RSPH3: variants seen among roughly 807,000 people sequenced by gnomAD.
RSPH3 encodes radial spoke head 3.
In RSPH3, 21 loss-of-function variants were observed where a neutral mutation model predicts 43.8. The ratio of observed to expected loss-of-function variants is 0.48; its 90% confidence interval spans 0.34 to 0.69. The LOEUF is 0.69. Ranked by LOEUF, RSPH3 falls within the 30% of genes least tolerant of loss-of-function variation. The probability of loss-of-function intolerance (pLI) is 0.01; values close to 1 mark genes in which losing one functional copy is unlikely to be tolerated. For synonymous variants in RSPH3, 173 were observed against 179.8 expected (o/e 0.96, Z 0.30); for missense variants, 487 against 516.0 (o/e 0.94, Z 0.54).
rs781740377 is a variant in RSPH3, at chr6:158,993,840, A to T, written c.203T>A (p.Leu68Gln). 5.7e-6 allele frequency: 9 copies of T among 1,576,628 alleles called. No individual in the cohort carries two copies. The Admixed American group carries it at 1.2e-4, about 21-fold the overall frequency. ...GNTYALQTGPLLGRPDSLELQ... is the reference protein window; with the variant it reads ...GNTYALQTGPQLGRPDSLELQ... Reference sequence around the variant, plus strand: ...TTAGACTATTCAAACTGAACTTACCAGTGGCCCTGTCTGGAGTGCATAAGT... The same window carrying T: ...TTAGACTATTCAAACTGAACTTACCTGTGGCCCTGTCTGGAGTGCATAAGT... Residue 68 changes from leucine to glutamine, a missense_variant and splice_region_variant, in exon 2 of 8, where the codon CTG (leucine) becomes CAG (glutamine). By Grantham distance (113) the Leu-to-Gln change is moderately radical. Transcript: ENST00000367069.
rs149982730 is a variant in RSPH3, at chr6:158,983,097, T to C, written c.493-409A>G. ...ATAACTTTCAGGTAGCTTCTGAAGA[T>C]TTATTTTATTTCCCAATTTCAATGA... On this transcript the variant is annotated intron_variant, in intron 4 of 7. Coordinates refer to ENST00000367069, the MANE Select transcript of RSPH3 (RefSeq NM_031924.8). Among the ~76,000 whole-genome samples the C allele has an allele frequency of 3.2e-3, 494 of 152,330 alleles. 2 individuals are homozygous for C. The highest frequency in any genetic ancestry group is 0.011 in the African/African-American group (463 of 41,576).
At chr6:158,971,853 A>G (rs574225668), downstream of RSPH3, among the ~76,000 whole-genome samples, 2 of 152,294 alleles carry the variant, frequency 1.3e-5, no homozygotes, top group South Asian at 4.1e-4. Flanking sequence ...TTACACCTAT[A>G]GTTGTCTACC....
Position 158,980,473 on chromosome 6 carries a change from G to A in RSPH3, c.859+301C>T, listed in dbSNP as rs74747700. The stretch of plus-strand genomic sequence containing the variant: ...CCTCATTTCTCACATGAAGAAACTG[G>A]AGGTCATCAAGCTAGCTAATGATAA... On this transcript the variant is annotated intron_variant, in intron 6 of 7. Coordinates refer to ENST00000367069, the MANE Select transcript of RSPH3 (RefSeq NM_031924.8). Among the ~76,000 whole-genome samples the A allele has an allele frequency of 0.045, 6,773 of 151,912 alleles. 492 individuals are homozygous for A. The highest frequency in any genetic ancestry group is 0.15 in the African/African-American group (6,400 of 41,422).
Position 158,999,951 on chromosome 6 carries a change from G to T in RSPH3, c.-401C>A, listed in dbSNP as rs1230072775. 6.2e-7 allele frequency: 1 copy of T among 1,604,862 alleles called. No individual in the cohort carries two copies. The highest frequency in any genetic ancestry group is 1.3e-5 in the African/African-American group (1 of 74,860). On this transcript the variant is annotated 5_prime_UTR_variant, in exon 1 of 8. Coordinates refer to ENST00000367069, the MANE Select transcript of RSPH3 (RefSeq NM_031924.8). ...CTTTGCGAGGTTCCTGGCTAGGGAG[G>T]CGGCCTTGGCTGGCTTGACCGTCAT...
chr6:158,967,888 C>A (rs1168344732), downstream of RSPH3, among the ~76,000 whole-genome samples: 2 of 152,138 alleles, frequency 1.3e-5, no homozygotes, highest in African/African-American at 4.8e-5. Context: ...AATGTAGCTA[C>A]CCCAGCTCTT....
chr6:158,979,875 C>A (rs894301537), intron 6 of RSPH3, among the ~76,000 whole-genome samples: 1 of 152,102 alleles, frequency 6.6e-6, no homozygotes, highest in African/African-American at 2.4e-5. Context: ...GGAACGTGGA[C>A]TTTGAGGGGA....
the RSPH3 span, among the ~76,000 whole-genome samples, chr6:158,964,298 GAT>G: frequency 6.6e-6 from 1 of 152,134 alleles, no homozygotes; most frequent in Non-Finnish European, 1.5e-5. Flanking sequence ...GCCATGGATT[GAT>G]AGTTTTTGTG....
At chr6:158,978,438 T>C in intron 6 of RSPH3, 92 bp from the exon 7 acceptor site, 4 of 669,938 alleles carry the variant, frequency 6.0e-6, no homozygotes, top group Non-Finnish European at 1.0e-5. Flanking sequence ...ATTGGTTTCT[T>C]AATATAAAAT....
intron 5 of RSPH3, among the ~76,000 whole-genome samples, chr6:158,981,501 T>G (rs1426383339): frequency 6.6e-6 from 1 of 152,198 alleles, no homozygotes; most frequent in Non-Finnish European, 1.5e-5. Flanking sequence ...TAAACAAATA[T>G]AAATCTAGGT....
At chr6:158,996,655 G>C (rs898089621) in intron 1 of RSPH3, among the ~76,000 whole-genome samples, 6 of 152,146 alleles carry the variant, frequency 3.9e-5, no homozygotes, top group African/African-American at 1.4e-4. Flanking sequence ...TGTGTCATCT[G>C]AAAAACTGAA....
chr6:158,982,384 A>C, intron 5 of RSPH3, 101 bp downstream of exon 5: 1 of 709,322 alleles, frequency 1.4e-6, no homozygotes, highest in Non-Finnish European at 2.2e-6. Context: ...ATATATTCCC[A>C]AAGATCTTTA....
At chr6:158,982,812 G>A in intron 4 of RSPH3, 124 bp from the exon 5 acceptor site, 1 of 634,744 alleles carries the variant, frequency 1.6e-6, no homozygotes, top group Non-Finnish European at 2.7e-6. Flanking sequence ...CAGACACTGT[G>A]CTGGTGCTTT....
chr6:158,973,027 TCTGA>T lies in RSPH3; in HGVS notation c.*4507_*4510del, dbSNP rs1209485363. The T allele has an allele frequency of 5.9e-5, 9 of 152,354 alleles. No homozygotes were observed. The highest frequency in any genetic ancestry group is 2.2e-4 in the African/African-American group (9 of 41,598). 9.4% of individuals were successfully genotyped at this position (152,354 alleles called of 1,614,324 possible). A position where few individuals can be genotyped will look rare whatever the true frequency, so the allele number is the denominator to read the frequency against. ...CACTTATAACACTCTTTTTTGGGTC[TCTGA>T]CTGTGAACAAGATTGTGGAAGGTTG... is the stretch of plus-strand genomic sequence containing the variant. On this transcript the variant is annotated 3_prime_UTR_variant, in exon 8 of 8. Transcript: ENST00000367069.
chr6:158,972,670 A>G (rs907045058), downstream of RSPH3, among the ~76,000 whole-genome samples: 3 of 152,270 alleles, frequency 2.0e-5, no homozygotes, highest in South Asian at 2.1e-4. Flanking sequence ...ATATAGTGAT[A>G]AAAATTCATT....
chr6:158,983,116 T>G (rs1334117656), intron 4 of RSPH3, among the ~76,000 whole-genome samples: 1 of 152,208 alleles, frequency 6.6e-6, no homozygotes, highest in Non-Finnish European at 1.5e-5. Flanking sequence ...TTTCCCAATT[T>G]CAATGACAGT....
chr6:158,963,948 A>G, the RSPH3 span, among the ~76,000 whole-genome samples: 1 of 152,218 alleles, frequency 6.6e-6, no homozygotes, highest in East Asian at 1.9e-4. Context: ...TTTAACAGCC[A>G]TAGATCCCAA....
At chr6:158,992,713 C>T (rs1778457409) in intron 2 of RSPH3, among the ~76,000 whole-genome samples, 1 of 152,158 alleles carries the variant, frequency 6.6e-6, no homozygotes, top group Non-Finnish European at 1.5e-5. Flanking sequence ...AGTGGAGGAG[C>T]ATCTCTATCA....
chr6:158,981,109 GGC>G (rs1264495520), intron 5 of RSPH3, among the ~76,000 whole-genome samples, 173 bp from the exon 6 acceptor site: 3 of 151,920 alleles, frequency 2.0e-5, no homozygotes, highest in Admixed American at 6.6e-5. Flanking sequence ...AACAGCTAGT[GGC>G]TACTGAATTC....
rs1386870736 is a variant in RSPH3 at position 158,973,717 on chromosome 6, GC to G, written c.*3820del. ...AGTGACTTTGCAGGCCACGCTCATAGCCCTCAGATGGCTTAAATGTAATGAT... is the reference window on the plus strand; with the variant it reads ...AGTGACTTTGCAGGCCACGCTCATAGCCTCAGATGGCTTAAATGTAATGAT... On this transcript the variant is annotated 3_prime_UTR_variant, in exon 8 of 8. Coordinates refer to ENST00000367069, the MANE Select transcript of RSPH3 (RefSeq NM_031924.8). 1.3e-5 allele frequency: 2 copies of G among 152,098 alleles called. No individual in the cohort carries two copies. Among genetic ancestry groups the G allele is most frequent in the African/African-American group, 4.8e-5 (2 of 41,404 alleles). 9.4% of individuals were successfully genotyped at this position (152,098 alleles called of 1,614,324 possible).
Sources: gnomAD v4.1 joint callset for allele counts (sites outside exome capture counted in the v4.1 genomes callset) on GRCh38, gnomAD v4.1.1 for gene constraint, MANE v1.5 for transcripts, NCBI Gene and HGNC (gene_info 2026-07-23, HGNC 2026-07-21) for gene names.